Variants in RAPH1 observed in about 807,000 individuals in gnomAD.
RAPH1 encodes Ras association (RalGDS/AF-6) and pleckstrin homology domains 1, also known as ras-associated and pleckstrin homology domains-containing protein 1.
Under a neutral mutation model 88.1 loss-of-function variants are expected in RAPH1, and 18 were observed. That is an observed-to-expected ratio of 0.20 (90% CI 0.14 to 0.30). RAPH1 has a LOEUF of 0.30. Ranked by LOEUF, RAPH1 falls within the 10% of genes least tolerant of loss-of-function variation. The pLI is 1.00. For missense variants in RAPH1, 1,448 were observed against 1,543.2 expected, an observed-to-expected ratio of 0.94 and a Z score of 1.03; for synonymous variants, 587 against 559.0, an observed-to-expected ratio of 1.05 and a Z score of -0.71.
chr2:203,438,110 T>C lies in RAPH1; in HGVS notation c.*1327A>G, dbSNP rs752706056. The C allele has an allele frequency of 1.9e-6, 1 of 518,062 alleles. No individual in the cohort carries two copies. Among genetic ancestry groups the C allele is most frequent in the Non-Finnish European group, 3.9e-6 (1 of 259,576 alleles). 32.1% of individuals were successfully genotyped at this position (518,062 alleles called of 1,614,324 possible). A position where few individuals can be genotyped will look rare whatever the true frequency, so the allele number is the denominator to read the frequency against. On this transcript the variant is annotated 3_prime_UTR_variant, in exon 14 of 14. Coordinates refer to ENST00000319170, the MANE Select transcript of RAPH1 (RefSeq NM_213589.3). ...TAAAACGTAATGTCAGTTACTGGAC[T>C]TGGACTGTCCCACTCCATCAGAACA...
In RAPH1 at chr2:203,460,018, A is replaced by G. The variant is rs1233079176; in HGVS notation, c.981T>C (p.Phe327=). The change falls in exon 7 of 14, where the codon TTT becomes TTC. Residue 327 remains phenylalanine (F), a synonymous_variant. Transcript: ENST00000319170. ...TVSELQMERI[F]EDHENLVENL... The stretch of plus-strand genomic sequence containing the variant: ...TTTCAACCAAGTTTTCATGGTCTTC[A>G]AAGATTCTCTCTGTCCCAAAATAAA... The G allele has an allele frequency of 6.2e-7, 1 of 1,606,732 alleles. No individual in the cohort carries two copies. Among genetic ancestry groups the G allele is most frequent in the East Asian group, 2.2e-5 (1 of 44,810 alleles).
intron 1 of RAPH1, among the ~76,000 whole-genome samples, chr2:203,517,958 G>C (rs1333457729): frequency 6.6e-6 from 1 of 151,932 alleles, no homozygotes; most frequent in South Asian, 2.1e-4. Flanking sequence ...TAGAAATCTA[G>C]AACAAGAAGA....
At chr2:203,528,434 T>C (rs183998682) in intron 1 of RAPH1, among the ~76,000 whole-genome samples, 10 of 152,322 alleles carry the variant, frequency 6.6e-5, no homozygotes, top group East Asian at 3.9e-4. Flanking sequence ...GATTGACAAA[T>C]AGGGAGAACA....
At chr2:203,531,941 A>G (rs1298603142) in intron 1 of RAPH1, among the ~76,000 whole-genome samples, 1 of 152,238 alleles carries the variant, frequency 6.6e-6, no homozygotes, top group Non-Finnish European at 1.5e-5. Context: ...ACAGTTGTAT[A>G]CCAATACTCA....
intron 13 of RAPH1, chr2:203,443,830 A>T (rs1175959109): frequency 6.6e-6 from 1 of 152,054 alleles, no homozygotes; most frequent in Non-Finnish European, 1.5e-5. Context: ...AAAATAAAAA[A>T]CTAGCCAGGC....
chr2:203,448,061 T>C lies in RAPH1; in HGVS notation c.1531A>G (p.Met511Val), dbSNP rs762987468. Residue 511 changes from methionine (M) to valine (V), a missense_variant, in exon 12 of 14, where the codon ATG (methionine) becomes GTG (valine). Around this residue, in one of 2 missense-constraint regions of RAPH1, gnomAD observed 513 missense variants for 653.1 expected, o/e 0.79. Coordinates refer to ENST00000319170, the MANE Select transcript of RAPH1 (RefSeq NM_213589.3). The surrounding 1 kb of genome is among the most constrained non-coding windows in gnomAD (Gnocchi z 4.1). ...RIAKYGKQLY[M>V]NYQEALKRTE... is the part of the protein sequence containing the mutation. ...CTCTTCAAGGCTTCTTGGTAGTTCA[T>C]ATAGAGCTGCTTCCCATACTAAAGA... 2 of 1,613,824 alleles carry C rather than the reference T, an allele frequency of 1.2e-6. No homozygotes were observed. The highest frequency in any genetic ancestry group is 1.7e-6 in the Non-Finnish European group (2 of 1,179,788).
chr2:203,518,539 C>CAAA (rs60376098), intron 1 of RAPH1, among the ~76,000 whole-genome samples: 2 of 146,712 alleles, frequency 1.4e-5, no homozygotes, highest in Non-Finnish European at 1.5e-5. Context: ...AACAAAAAAA[C>CAAA]AAAAAAAAAA....
rs760538794 is a variant in RAPH1 at position 203,439,647 on chromosome 2, G to A, written c.3543C>T (p.His1181=). Residue 1181 remains histidine (H), a synonymous_variant, in exon 14 of 14, where the codon CAC becomes CAT. Transcript: ENST00000319170. ...TGGACATGCGGGAGGAGAGTGAGCC[G>A]TGCCGAGTGATGGACTTTCGTTGCA... ...RTLQRKSITR[H]GSLSSRMSRA... The A allele has an allele frequency of 2.7e-5, 43 of 1,613,976 alleles. No individual in the cohort carries two copies. The highest frequency in any genetic ancestry group is 1.6e-4 in the Middle Eastern group (1 of 6,082).
intron 1 of RAPH1, among the ~76,000 whole-genome samples, chr2:203,521,577 T>C (rs1689872649): frequency 6.6e-6 from 1 of 152,118 alleles, no homozygotes; most frequent in African/African-American, 2.4e-5. Flanking sequence ...CTACTACTGG[T>C]GGTGAATATG....
rs2098499663 is a variant in RAPH1, at chr2:203,437,766, C to G, written c.*1671G>C. On this transcript the variant is annotated 3_prime_UTR_variant, in exon 14 of 14. Transcript: ENST00000319170. ...ATTCTAGAATTATTTACCATCTCTT[C>G]CCCCACTTTACTGGCATCACTTTTT... 5.3e-6 allele frequency: 1 copy of G among 187,944 alleles called. No individual in the cohort carries two copies. Among genetic ancestry groups the G allele is most frequent in the African/African-American group, 2.4e-5 (1 of 41,902 alleles). The allele number at this position is 187,944 out of a possible 1,614,324, so 11.6% of individuals were successfully genotyped here. A position where few individuals can be genotyped will look rare whatever the true frequency, so the allele number is the denominator to read the frequency against.
At chr2:203,475,888 T>C (rs185670641) in intron 4 of RAPH1, among the ~76,000 whole-genome samples, 47 of 152,154 alleles carry the variant, frequency 3.1e-4, no homozygotes, top group African/African-American at 1.0e-3. Flanking sequence ...AACAGATATA[T>C]TATTTATTAT....
intron 1 of RAPH1, among the ~76,000 whole-genome samples, chr2:203,519,791 C>T (rs1689782287): frequency 6.6e-6 from 1 of 152,006 alleles, no homozygotes; most frequent in Non-Finnish European, 1.5e-5. Flanking sequence ...TCCTGTTGGA[C>T]AAATAATCAT....
rs1242894204 is a variant in RAPH1 at position 203,439,774 on chromosome 2, G to C, written c.3416C>G (p.Ser1139Cys). The change falls in exon 14 of 14, where the codon TCT becomes TGT. Residue 1139 changes from serine to cysteine, a missense_variant. Around this residue, in one of 2 missense-constraint regions of RAPH1, gnomAD observed 935 missense variants for 890.1 expected, o/e 1.05. Transcript: ENST00000319170. The stretch of plus-strand genomic sequence containing the variant: ...AACTGTGGCCATTGTTGGCTGCTCA[G>C]AAATCTCAGCTTGAGTGAGGCGGGT... ...DSTRLTQAEI[S>C]EQPTMATVVP... 1 of 1,614,206 alleles carries C rather than the reference G, an allele frequency of 6.2e-7. No individual in the cohort carries two copies. Among genetic ancestry groups the C allele is most frequent in the East Asian group, 2.2e-5 (1 of 44,882 alleles).
intron 8 of RAPH1, among the ~76,000 whole-genome samples, chr2:203,456,064 C>A (rs1452385953): frequency 6.6e-6 from 1 of 152,030 alleles, no homozygotes; most frequent in Non-Finnish European, 1.5e-5. Context: ...ACTTTCTATT[C>A]TAAACACAAT....
At chr2:203,504,286 T>C (rs775874156) in intron 1 of RAPH1, among the ~76,000 whole-genome samples, 1 of 152,214 alleles carries the variant, frequency 6.6e-6, no homozygotes, top group Non-Finnish European at 1.5e-5. Flanking sequence ...GGTGTTTCTA[T>C]ACATCTTCTG....
chr2:203,449,986 G>A (rs1321605706), intron 10 of RAPH1, among the ~76,000 whole-genome samples: 8 of 146,132 alleles, frequency 5.5e-5, no homozygotes, highest in Admixed American at 3.5e-4. Context: ...TCGTGCCACC[G>A]CACTCCAGCC....
intron 13 of RAPH1, chr2:203,444,510 A>T: frequency 4.1e-6 from 1 of 243,426 alleles, no homozygotes; most frequent in Non-Finnish European, 7.7e-6. Context: ...TCTAGAATTT[A>T]GGGCATTTGC....
chr2:203,473,029 A>C (rs140866604), intron 4 of RAPH1, among the ~76,000 whole-genome samples: 17 of 152,362 alleles, frequency 1.1e-4, no homozygotes, highest in African/African-American at 3.8e-4. Context: ...GACCACAAAC[A>C]ATAGTTAAAC....
chr2:203,440,077 G>A lies in RAPH1; in HGVS notation c.3113C>T (p.Pro1038Leu). The A allele has an allele frequency of 6.2e-7, 1 of 1,613,622 alleles. No individual in the cohort carries two copies. The highest frequency in any genetic ancestry group is 1.3e-5 in the African/African-American group (1 of 75,012). Residue 1038 changes from proline (P) to leucine (L), a missense_variant, in exon 14 of 14, where the codon CCT becomes CTT. Transcript: ENST00000319170. ...GKLNLSGVNL[P>L]GVLQQGCVSA... Reference sequence around the variant, plus strand: ...CACACACCCTTGTTGGAGAACTCCAGGAAGGTTGACTCCAGAAAGATTGAG... The same window carrying A: ...CACACACCCTTGTTGGAGAACTCCAAGAAGGTTGACTCCAGAAAGATTGAG...
Sources: gnomAD v4.1 joint callset for allele counts (sites outside exome capture counted in the v4.1 genomes callset) on GRCh38, gnomAD v4.1.1 for gene constraint, gnomAD v4.1.1 regional missense constraint, Gnocchi (gnomAD v3.1) non-coding constraint, MANE v1.5 for transcripts, NCBI Gene and HGNC (gene_info 2026-07-23, HGNC 2026-07-21) for gene names.